Variants in TSSC4 observed in about 807,000 individuals in gnomAD.
The protein encoded by TSSC4 is U5 small nuclear ribonucleoprotein TSSC4.
For synonymous variants in TSSC4, 259 were observed against 197.9 expected (o/e 1.31, Z -2.59); for missense variants, 500 against 443.9 (o/e 1.13, Z -1.14).
chr11:2,403,747 G>T lies in TSSC4; in HGVS notation c.*124G>T, dbSNP rs184868594. On this transcript the variant is annotated 3_prime_UTR_variant, in exon 3 of 3. Transcript: ENST00000333256. ...TGGGAGGAAGCCTGCAGGTGGCACCGGTGGCCCTGGCTGCAGTTCTGGGCA... is the reference window on the plus strand; with the variant it reads ...TGGGAGGAAGCCTGCAGGTGGCACCTGTGGCCCTGGCTGCAGTTCTGGGCA... The T allele has an allele frequency of 2.8e-6, 3 of 1,057,130 alleles. No individual in the cohort carries two copies. Among genetic ancestry groups the T allele is most frequent in the Non-Finnish European group, 2.6e-6 (2 of 772,228 alleles). The allele number at this position is 1,057,130 out of a possible 1,614,324, so 65.5% of individuals were successfully genotyped here.
In TSSC4 at chr11:2,402,974, C is replaced by A; in HGVS notation, c.341C>A (p.Thr114Asn). The change falls in exon 3 of 3, where the codon ACC becomes AAC. Residue 114 changes from threonine (T) to asparagine (N), a missense_variant. Coordinates refer to ENST00000333256, the MANE Select transcript of TSSC4 (RefSeq NM_005706.4). ...ARRAPSSVAHTSMSDNGGFKR... is the reference protein window; with the variant it reads ...ARRAPSSVAHNSMSDNGGFKR... ...CGGGCTCCATCCTCTGTGGCCCACA[C>A]CAGCATGAGTGACAACGGAGGCTTC... is the stretch of plus-strand genomic sequence containing the variant. The A allele has an allele frequency of 6.2e-7, 1 of 1,609,992 alleles. No individual in the cohort carries two copies. Among genetic ancestry groups the A allele is most frequent in the Non-Finnish European group, 8.5e-7 (1 of 1,178,662 alleles).
chr11:2,403,537 G>T lies in TSSC4; in HGVS notation c.904G>T (p.Val302Phe), dbSNP rs752788927. Residue 302 changes from valine to phenylalanine, a missense_variant, in exon 3 of 3, where the codon GTT becomes TTT. By Grantham distance (50) the Val-to-Phe change is conservative. Coordinates refer to ENST00000333256, the MANE Select transcript of TSSC4 (RefSeq NM_005706.4). The stretch of plus-strand genomic sequence containing the variant: ...GCCAGGTCTCCCGCCGGTGGAAACT[G>T]TTGGCTTCCATGGCAGCAGGAAGCG... Reference protein sequence around the residue: ...SVPGLPPVETVGFHGSRKRSR... With the variant: ...SVPGLPPVETFGFHGSRKRSR... 1.9e-6 allele frequency: 3 copies of T among 1,592,410 alleles called. No homozygotes were observed. Among genetic ancestry groups the T allele is most frequent in the Admixed American group, 1.8e-5 (1 of 55,702 alleles).
chr11:2,402,698 A>G lies in TSSC4; in HGVS notation c.65A>G (p.Asp22Gly). ...GAGGGCGAACACGGGACGGAGTATG[A>G]CACGCTGCCTTCCGACACAGTCTCC... is the stretch of plus-strand genomic sequence containing the variant. Reference protein sequence around the residue: ...SVEGEHGTEYDTLPSDTVSLS... With the variant: ...SVEGEHGTEYGTLPSDTVSLS... Residue 22 changes from aspartate (D) to glycine (G), a missense_variant, in exon 3 of 3, where the codon GAC becomes GGC. Asp to Gly is a moderately conservative substitution (Grantham distance 94, BLOSUM62 -1). Coordinates refer to ENST00000333256, the MANE Select transcript of TSSC4 (RefSeq NM_005706.4). 1 of 1,584,068 alleles carries G rather than the reference A, an allele frequency of 6.3e-7. No homozygotes were observed.
chr11:2,402,419 T>C lies in TSSC4; in HGVS notation c.-55T>C, dbSNP rs1850175196. On this transcript the variant is annotated 5_prime_UTR_variant, in exon 2 of 3. Transcript: ENST00000333256. ...GCTTGGCTGTCCAATCACACTCCAG[T>C]GTCAACCACTGGCACCCAGCAGCCA... The C allele has an allele frequency of 6.9e-6, 4 of 583,306 alleles. No homozygotes were observed. Among genetic ancestry groups the C allele is most frequent in the Non-Finnish European group, 1.2e-5 (4 of 332,662 alleles). The allele number at this position is 583,306 out of a possible 1,614,324, so 36.1% of individuals were successfully genotyped here. A position where few individuals can be genotyped will look rare whatever the true frequency, so the allele number is the denominator to read the frequency against.
intron 1 of TSSC4, chr11:2,401,062 A>G (rs1850130785): frequency 1.3e-5 from 2 of 152,042 alleles, no homozygotes; most frequent in Admixed American, 1.3e-4. Flanking sequence ...GCTGGCACAT[A>G]TAGTGGAGAA....
chr11:2,402,983 GT>G lies in TSSC4; in HGVS notation c.351del (p.Ser117ArgfsTer10). On this transcript the variant is annotated frameshift_variant, in exon 3 of 3. Transcript: ENST00000333256. LOFTEE classifies it low-confidence loss of function (END_TRUNC). ...TCCTCTGTGGCCCACACCAGCATGA[GT>G]GACAACGGAGGCTTCAAGCGGCCCC... Reference protein sequence around the residue: ...APSSVAHTSMSDNGGFKRPLA... With the variant: ...APSSVAHTSMXDNGGFKRPLA... 6.2e-7 allele frequency: 1 copy of G among 1,609,564 alleles called. No homozygotes were observed. The highest frequency in any genetic ancestry group is 8.5e-7 in the Non-Finnish European group (1 of 1,178,412).
intron 1 of TSSC4, chr11:2,401,996 G>A (rs1850159033): frequency 2.0e-5 from 3 of 152,208 alleles, no homozygotes; most frequent in Non-Finnish European, 2.9e-5. Context: ...GCTCTTTGTG[G>A]AATACGACTG....
At position 2,402,633 on chromosome 11, in the gene TSSC4, C is replaced by T; in HGVS notation, c.-1C>T. 2 of 1,588,472 alleles carry T rather than the reference C, an allele frequency of 1.3e-6. No homozygotes were observed. Among genetic ancestry groups the T allele is most frequent in the Non-Finnish European group, 1.7e-6 (2 of 1,163,406 alleles). On this transcript the variant is annotated 5_prime_UTR_variant, in exon 3 of 3. Transcript: ENST00000333256. ...TAGGTGTGGCGTGGCCCTGGGGACGCATGGCTGAGGCAGGAACAGGTGAGC... is the reference window on the plus strand; with the variant it reads ...TAGGTGTGGCGTGGCCCTGGGGACGTATGGCTGAGGCAGGAACAGGTGAGC...
Position 2,402,996 on chromosome 11 carries a change from C to T in TSSC4, c.363C>T (p.Gly121=). 6.2e-7 allele frequency: 1 copy of T among 1,608,496 alleles called. No individual in the cohort carries two copies. Among genetic ancestry groups the T allele is most frequent in the Non-Finnish European group, 8.5e-7 (1 of 1,177,914 alleles). ...ACACCAGCATGAGTGACAACGGAGGCTTCAAGCGGCCCCTAGCGCCCTCAG... is the reference window on the plus strand; with the variant it reads ...ACACCAGCATGAGTGACAACGGAGGTTTCAAGCGGCCCCTAGCGCCCTCAG... ...VAHTSMSDNG[G]FKRPLAPSGR... Residue 121 remains glycine, a synonymous_variant, in exon 3 of 3, where the codon GGC becomes GGT. Coordinates refer to ENST00000333256, the MANE Select transcript of TSSC4 (RefSeq NM_005706.4).
intron 1 of TSSC4, 95 bp downstream of exon 1, chr11:2,400,893 G>C (rs1160664294): frequency 6.6e-6 from 1 of 152,068 alleles, no homozygotes; most frequent in East Asian, 1.9e-4. Context: ...CGAAGGCCCC[G>C]CTGTGCTCGC....
chr11:2,403,064 C>T lies in TSSC4; in HGVS notation c.431C>T (p.Pro144Leu), dbSNP rs1308918393. 1 of 1,610,214 alleles carries T rather than the reference C, an allele frequency of 6.2e-7. No individual in the cohort carries two copies. Among genetic ancestry groups the T allele is most frequent in the African/African-American group, 1.3e-5 (1 of 74,868 alleles). ...VEGLGRAHRSPASPRVPPVPD... is the reference protein window; with the variant it reads ...VEGLGRAHRSLASPRVPPVPD... ...GGCCTGGGCAGGGCCCATCGGAGCC[C>T]TGCCTCACCAAGGGTGCCTCCGGTC... The change falls in exon 3 of 3, where the codon CCT becomes CTT. Residue 144 changes from proline (P) to leucine (L), a missense_variant. Pro to Leu is a moderately conservative substitution (Grantham distance 98). Coordinates refer to ENST00000333256, the MANE Select transcript of TSSC4 (RefSeq NM_005706.4).
chr11:2,402,803 A>T lies in TSSC4; in HGVS notation c.170A>T (p.Glu57Val). The T allele has an allele frequency of 6.3e-7, 1 of 1,582,442 alleles. No individual in the cohort carries two copies. The highest frequency in any genetic ancestry group is 8.6e-7 in the Non-Finnish European group (1 of 1,163,646). Reference protein sequence around the residue: ...EALSPMGLPGEEDSGPDEPPS... With the variant: ...EALSPMGLPGVEDSGPDEPPS... ...CTGTCCCCGATGGGGCTGCCTGGGG[A>T]GGAGGATTCAGGTCCTGATGAGCCG... The change falls in exon 3 of 3, where the codon GAG (glutamate) becomes GTG (valine). Residue 57 changes from glutamate to valine, a missense_variant. Coordinates refer to ENST00000333256, the MANE Select transcript of TSSC4 (RefSeq NM_005706.4).
chr11:2,402,971 ACAC>A lies in TSSC4; in HGVS notation c.341_343del (p.Thr114del). 1.2e-6 allele frequency: 2 copies of A among 1,610,216 alleles called. No individual in the cohort carries two copies. Among genetic ancestry groups the A allele is most frequent in the Non-Finnish European group, 1.7e-6 (2 of 1,178,778 alleles). ...AGACGGGCTCCATCCTCTGTGGCCC[ACAC>A]CAGCATGAGTGACAACGGAGGCTTC... On this transcript the variant is annotated inframe_deletion, in exon 3 of 3. Transcript: ENST00000333256.
In TSSC4 at chr11:2,403,582, A is replaced by G. The variant is rs1198147481; in HGVS notation, c.949A>G (p.Asn317Asp). The G allele has an allele frequency of 3.2e-6, 5 of 1,550,972 alleles. No individual in the cohort carries two copies. Among genetic ancestry groups the G allele is most frequent in the Non-Finnish European group, 4.3e-6 (5 of 1,151,622 alleles). ...GAAGCGGAGTCGAGACCACTTCCGG[A>G]ACAAGAGCAGCAGCCCCGAGGACCC... is the stretch of plus-strand genomic sequence containing the variant. The part of the protein sequence containing the change: ...SRKRSRDHFR[N>D]KSSSPEDPGA... Residue 317 changes from asparagine to aspartate, a missense_variant, in exon 3 of 3, where the codon AAC becomes GAC. By Grantham distance (23) the Asn-to-Asp change is conservative (BLOSUM62 1). Transcript: ENST00000333256.
rs1850121294 is a variant in TSSC4 at position 2,400,784 on chromosome 11, A to T, written c.-195A>T. On this transcript the variant is annotated 5_prime_UTR_variant, in exon 1 of 3. Coordinates refer to ENST00000333256, the MANE Select transcript of TSSC4 (RefSeq NM_005706.4). ...GCGCCGACCAAGATGGAGACTGCCG[A>T]GCAGCCTTGAGCCGGTAGGTTTGTG... 1 of 151,986 alleles carries T rather than the reference A, an allele frequency of 6.6e-6. No individual in the cohort carries two copies. Among genetic ancestry groups the T allele is most frequent in the Non-Finnish European group, 1.5e-5 (1 of 68,010 alleles). 9.4% of individuals were successfully genotyped at this position (151,986 alleles called of 1,614,324 possible).
chr11:2,403,476 G>A lies in TSSC4; in HGVS notation c.843G>A (p.Val281=). 6.2e-7 allele frequency: 1 copy of A among 1,600,344 alleles called. No individual in the cohort carries two copies. The highest frequency in any genetic ancestry group is 8.5e-7 in the Non-Finnish European group (1 of 1,172,844). ...GCCACCATGGAGGCCTGCAGGAGGT[G>A]GAGGCACTGTCAGGGTCTGTCCACA... ...WGSHHGGLQE[V]EALSGSVHSG... The change falls in exon 3 of 3, where the codon GTG becomes GTA. Residue 281 remains valine (V), a synonymous_variant. Coordinates refer to ENST00000333256, the MANE Select transcript of TSSC4 (RefSeq NM_005706.4).
chr11:2,402,592 C>T lies in TSSC4; in HGVS notation c.-23-19C>T, dbSNP rs1850181280. On this transcript the variant is annotated intron_variant, in intron 2 of 2. Coordinates refer to ENST00000333256, the MANE Select transcript of TSSC4 (RefSeq NM_005706.4). Reference sequence around the variant, plus strand: ...CTGTTCCTCCTGAGAAACAAATTTTCTGGGCTGTTTTGGTTTAGGTGTGGC... The same window carrying T: ...CTGTTCCTCCTGAGAAACAAATTTTTTGGGCTGTTTTGGTTTAGGTGTGGC... 2 of 1,533,396 alleles carry T rather than the reference C, an allele frequency of 1.3e-6. No individual in the cohort carries two copies. Among genetic ancestry groups the T allele is most frequent in the Admixed American group, 1.9e-5 (1 of 52,462 alleles). 95.0% of individuals were successfully genotyped at this position (1,533,396 alleles called of 1,614,324 possible).
In TSSC4 at chr11:2,402,452, T is replaced by C. The variant is rs1204653117; in HGVS notation, c.-24+2T>C. 1.5e-6 allele frequency: 1 copy of C among 646,724 alleles called. No individual in the cohort carries two copies. The highest frequency in any genetic ancestry group is 1.8e-5 in the African/African-American group (1 of 54,392). The allele number at this position is 646,724 out of a possible 1,614,324, so 40.1% of individuals were successfully genotyped here. A position where few individuals can be genotyped will look rare whatever the true frequency, so the allele number is the denominator to read the frequency against. The stretch of plus-strand genomic sequence containing the variant: ...ACTGGCACCCAGCAGCCAAGAGAGG[T>C]GAGAGGAGGGCTTGGAGGGGGAGGC... On this transcript the variant is annotated splice_donor_variant, in intron 2 of 2. Coordinates refer to ENST00000333256, the MANE Select transcript of TSSC4 (RefSeq NM_005706.4). LOFTEE classifies it low-confidence loss of function (5UTR_SPLICE).
At chr11:2,401,368 T>A (rs1318511110) in intron 1 of TSSC4, 1 of 152,258 alleles carries the variant, frequency 6.6e-6, no homozygotes, top group Non-Finnish European at 1.5e-5. Flanking sequence ...TTGGGCAAAT[T>A]ATTTCCCCCG....
Sources: allele counts gnomAD v4.1 joint callset, GRCh38; gene constraint gnomAD v4.1.1; transcripts MANE v1.5; gene names NCBI Gene and HGNC (gene_info 2026-07-23, HGNC 2026-07-21).